The following TLE5 variants were observed in gnomAD, a reference collection of about 807,000 sequenced individuals.
The protein encoded by TLE5 is TLE family member 5, transcriptional modulator, also known as TLE family member 5.
A neutral mutation model predicts 25.8 loss-of-function variants in TLE5; 7 were observed. The ratio of observed to expected loss-of-function variants is 0.27; its 90% CI spans 0.15 to 0.51. TLE5 has a LOEUF of 0.51. Among genes scored for constraint, TLE5 ranks in the 20% least tolerant of loss-of-function variants. The probability of loss-of-function intolerance (pLI) is 0.97; values close to 1 mark genes in which losing one functional copy is unlikely to be tolerated. For synonymous variants in TLE5, 132 were observed against 110.5 expected, an observed-to-expected ratio of 1.20 and a Z score of -1.22; for missense variants, 149 against 250.7, an observed-to-expected ratio of 0.59 and a Z score of 2.74.
chr19:3,054,048 G>T lies in TLE5; in HGVS notation c.373-8C>A. On this transcript the variant is annotated splice_polypyrimidine_tract_variant and splice_region_variant and intron_variant, in intron 6 of 6. Transcript: ENST00000327141. ...GTGGGCTTGGAGCTGCTGCTGCAGG[G>T]CGGGGGAGGGGAACATTAGCTGCCT... 6.3e-7 allele frequency: 1 copy of T among 1,577,886 alleles called. No homozygotes were observed. Among genetic ancestry groups the T allele is most frequent in the Non-Finnish European group, 8.6e-7 (1 of 1,163,418 alleles).
chr19:3,061,517 C>A (rs765110105), intron 1 of TLE5: 5 of 284,136 alleles, frequency 1.8e-5, no homozygotes, highest in Non-Finnish European at 3.3e-5. Flanking sequence ...TTAAGGCCCG[C>A]CCTAGATGGG....
chr19:3,056,262 G>C (rs747975447), intron 4 of TLE5, 50 bp downstream of exon 4: 1 of 1,315,218 alleles, frequency 7.6e-7, no homozygotes, highest in Non-Finnish European at 1.0e-6. Context: ...GAGGTGGGGG[G>C]AGGAGGGGGA....
intron 1 of TLE5, among the ~76,000 whole-genome samples, chr19:3,061,887 G>GGT (rs1555697643): frequency 3.2e-4 from 1 of 3,088 alleles, no homozygotes; most frequent in East Asian, 4.2e-3. Flanking sequence ...CCGGCGGGTT[G>GGT]GGGGGGGGGG....
At chr19:3,058,699 C>T (rs2090240403) in intron 2 of TLE5, among the ~76,000 whole-genome samples, 1 of 152,214 alleles carries the variant, frequency 6.6e-6, no homozygotes, top group South Asian at 2.1e-4. Flanking sequence ...TTCTCAAAGC[C>T]CCCATGAGGG....
At chr19:3,060,333 T>TTC (rs2090255397) in intron 2 of TLE5, among the ~76,000 whole-genome samples, 14 of 132,140 alleles carry the variant, frequency 1.1e-4, no homozygotes, top group African/African-American at 3.6e-4. Flanking sequence ...TCTTTCTTTT[T>TTC]TTTTTTTTTT....
intron 4 of TLE5, chr19:3,056,042 AGG>A (rs2090214226): frequency 4.0e-6 from 2 of 500,784 alleles, no homozygotes; most frequent in East Asian, 7.0e-5. Flanking sequence ...GAATGTAGGG[AGG>A]GCTGGGGGCC....
chr19:3,061,317 C>A (rs909000611), intron 1 of TLE5, 60 bp from the exon 2 acceptor site: 105 of 1,371,520 alleles, frequency 7.7e-5, no homozygotes, highest in Non-Finnish European at 9.6e-5. Flanking sequence ...CCTCAAGGGC[C>A]GGCTAGGAGG....
At position 3,062,405 on chromosome 19, in the gene TLE5, G is replaced by C. The variant is rs1405639351; in HGVS notation, c.-205C>G. The stretch of plus-strand genomic sequence containing the variant: ...GCGCGCCCCGGGCCCCGCTTCCTGC[G>C]CGCCCGGCGCCCCTCCCCGCCCCTC... On this transcript the variant is annotated 5_prime_UTR_variant, in exon 1 of 7. Coordinates refer to ENST00000327141, the MANE Select transcript of TLE5 (RefSeq NM_001130.6). 24 of 857,436 alleles carry C rather than the reference G, an allele frequency of 2.8e-5. No individual in the cohort carries two copies. Among genetic ancestry groups the C allele is most frequent in the Non-Finnish European group, 3.3e-5 (24 of 720,640 alleles). 53.1% of individuals were successfully genotyped at this position (857,436 alleles called of 1,614,324 possible). A position where few individuals can be genotyped will look rare whatever the true frequency, so the allele number is the denominator to read the frequency against.
In TLE5 at chr19:3,056,373, GA is replaced by G; in HGVS notation, c.190-18del. The G allele has an allele frequency of 2.8e-6, 3 of 1,077,602 alleles. No individual in the cohort carries two copies. The highest frequency in any genetic ancestry group is 2.8e-5 in the South Asian group (2 of 70,688). The allele number at this position is 1,077,602 out of a possible 1,614,324, so 66.8% of individuals were successfully genotyped here. A position where few individuals can be genotyped will look rare whatever the true frequency, so the allele number is the denominator to read the frequency against. ...CTCGTAGTACTGTATGGGGGAGAGA[GA>G]GGGGGAGCGGGAGATGGGGGTGGGG... is the stretch of plus-strand genomic sequence containing the variant. On this transcript the variant is annotated intron_variant, in intron 3 of 6. Transcript: ENST00000327141.
chr19:3,062,261 G>T lies in TLE5; in HGVS notation c.-61C>A. 1 of 1,045,226 alleles carries T rather than the reference G, an allele frequency of 9.6e-7. No homozygotes were observed. The highest frequency in any genetic ancestry group is 1.2e-6 in the Non-Finnish European group (1 of 868,422). The allele number at this position is 1,045,226 out of a possible 1,614,324, so 64.7% of individuals were successfully genotyped here. ...CTGTGCGCCCCGGCTCGGGCTGCTGGGGGCGCCGGGCGGCCGCGCCTTTGT... is the reference window on the plus strand; with the variant it reads ...CTGTGCGCCCCGGCTCGGGCTGCTGTGGGCGCCGGGCGGCCGCGCCTTTGT... On this transcript the variant is annotated 5_prime_UTR_variant, in exon 1 of 7. Coordinates refer to ENST00000327141, the MANE Select transcript of TLE5 (RefSeq NM_001130.6).
intron 2 of TLE5, among the ~76,000 whole-genome samples, chr19:3,059,292 C>A (rs575063339): frequency 7.0e-4 from 107 of 152,202 alleles, no homozygotes; most frequent in African/African-American, 2.5e-3. Flanking sequence ...GAGGCCAAGG[C>A]GGGTGGATCA....
At chr19:3,061,696 G>A (rs1031422784) in intron 1 of TLE5, among the ~76,000 whole-genome samples, 4 of 150,968 alleles carry the variant, frequency 2.6e-5, no homozygotes, top group Non-Finnish European at 5.9e-5. Flanking sequence ...GAAATCTTCC[G>A]GGGGGGCCCA....
intron 3 of TLE5, 193 bp downstream of exon 3, chr19:3,057,486 G>A: frequency 1.7e-6 from 1 of 601,550 alleles, no homozygotes; most frequent in Middle Eastern, 4.4e-4. Context: ...CTCGGCCACT[G>A]CCTCGGCCAT....
At chr19:3,056,051 G>GCCCCA (rs2145257245) in intron 4 of TLE5, 1 of 536,322 alleles carries the variant, frequency 1.9e-6, no homozygotes, top group African/African-American at 1.9e-5. Context: ...GAGGGCTGGG[G>GCCCCA]GCCGTAGGCT....
intron 2 of TLE5, chr19:3,060,814 G>A (rs1480727626): frequency 5.8e-6 from 1 of 171,084 alleles, no homozygotes; most frequent in African/African-American, 2.4e-5. Flanking sequence ...GCTGCAGAAT[G>A]TTTCTGTTTT....
chr19:3,061,492 C>T, intron 1 of TLE5: 1 of 333,374 alleles, frequency 3.0e-6, no homozygotes, highest in Non-Finnish European at 5.5e-6. Flanking sequence ...CACCCCCAGG[C>T]AGTGGGGGTG....
chr19:3,054,419 G>A (rs928147517), intron 5 of TLE5: 17 of 596,494 alleles, frequency 2.8e-5, no homozygotes, highest in Non-Finnish European at 4.5e-5. Flanking sequence ...ATGGAAAAGT[G>A]CAGAAAACAA....
At chr19:3,057,446 G>GCC in intron 3 of TLE5, 1 of 550,066 alleles carries the variant, frequency 1.8e-6, no homozygotes. Flanking sequence ...GGACCTGGCA[G>GCC]GGCCGGTCTG....
chr19:3,057,780 C>T (rs780268384), intron 2 of TLE5, 38 bp from the exon 3 acceptor site: 75 of 1,600,968 alleles, frequency 4.7e-5, no homozygotes, highest in South Asian at 5.5e-5. Context: ...TGGTTAGTGG[C>T]GGCTGGGCGG....
Sources: allele counts gnomAD v4.1 joint callset (sites outside exome capture counted in the v4.1 genomes callset), GRCh38; gene constraint gnomAD v4.1.1; transcripts MANE v1.5; gene names NCBI Gene and HGNC (gene_info 2026-07-23, HGNC 2026-07-21).